Variants in GRM3 observed in about 807,000 individuals in gnomAD.
The protein encoded by GRM3 is glutamate metabotropic receptor 3.
Under a neutral mutation model 70.5 loss-of-function variants are expected in GRM3, and 26 were observed. The observed-to-expected ratio is 0.37, with a 90% CI of 0.27 to 0.51. The LOEUF is 0.51. Ranked by LOEUF, GRM3 falls within the 20% of genes least tolerant of loss-of-function variation. The pLI is 0.93. For synonymous variants in GRM3, 443 were observed against 434.9 expected, an observed-to-expected ratio of 1.02 and a Z score of -0.23; for missense variants, 859 against 1,123.8, an observed-to-expected ratio of 0.76 and a Z score of 3.37.
intron 2 of GRM3, among the ~76,000 whole-genome samples, chr7:86,777,671 C>CCAAAA (rs1193092523): frequency 4.6e-5 from 7 of 152,046 alleles, no homozygotes; most frequent in Admixed American, 4.6e-4. Flanking sequence ...GGTAATGTGG[C>CCAAAA]CAAAACAAAA....
chr7:86,707,379 C>T (rs1165145367), intron 1 of GRM3, among the ~76,000 whole-genome samples: 1 of 152,094 alleles, frequency 6.6e-6, no homozygotes, highest in African/African-American at 2.4e-5. Flanking sequence ...ATGATACCTC[C>T]TCCTAAGATT....
intron 1 of GRM3, among the ~76,000 whole-genome samples, chr7:86,735,172 TTAA>T (rs1202714547): frequency 6.6e-6 from 1 of 152,142 alleles, no homozygotes; most frequent in African/African-American, 2.4e-5. Context: ...CTAGATGTGG[TTAA>T]TGATGACAGG....
Position 86,718,861 on chromosome 7 carries a change from C to G in GRM3, c.-140-46145C>G, listed in dbSNP as rs1242239576. Among the ~76,000 whole-genome samples the G allele has an allele frequency of 3.3e-5, 5 of 151,892 alleles. No homozygotes were observed. In the East Asian group the frequency reaches 7.7e-4, roughly 24 times the overall value. The stretch of plus-strand genomic sequence containing the variant: ...TCTCTTGTAAGAATCATTTGCTTGG[C>G]AGAAACAGTGAGGCCCACCTATATT... On this transcript the variant is annotated intron_variant, in intron 1 of 5. Coordinates refer to ENST00000361669, the MANE Select transcript of GRM3 (RefSeq NM_000840.3).
intron 2 of GRM3, among the ~76,000 whole-genome samples, chr7:86,772,001 T>C (rs1796755593): frequency 6.6e-6 from 1 of 152,124 alleles, no homozygotes; most frequent in Non-Finnish European, 1.5e-5. Context: ...GTCCTATCCC[T>C]GTGAGAACCC....
chr7:86,730,767 T>C (rs1033344250), intron 1 of GRM3, among the ~76,000 whole-genome samples: 1 of 152,224 alleles, frequency 6.6e-6, no homozygotes, highest in African/African-American at 2.4e-5. Context: ...CTTAGCATTA[T>C]GTTTTCCACT....
intron 1 of GRM3, among the ~76,000 whole-genome samples, chr7:86,749,913 T>C (rs1012332603): frequency 2.0e-5 from 3 of 152,034 alleles, no homozygotes; most frequent in South Asian, 2.1e-4. Flanking sequence ...TCTATTCCAC[T>C]ACTCAGTGAC....
chr7:86,827,659 G>A (rs543092969), intron 3 of GRM3, among the ~76,000 whole-genome samples: 86 of 152,022 alleles, frequency 5.7e-4, no homozygotes, highest in Middle Eastern at 3.4e-3. Flanking sequence ...TATTACAGGC[G>A]CCCACCACCA....
At chr7:86,693,438 C>G (rs991541861) in intron 1 of GRM3, among the ~76,000 whole-genome samples, 7 of 152,074 alleles carry the variant, frequency 4.6e-5, no homozygotes, top group African/African-American at 2.4e-5. Flanking sequence ...CATGAGTAAG[C>G]CCACCTAAAG....
At chr7:86,693,814 T>A (rs1280352104) in intron 1 of GRM3, among the ~76,000 whole-genome samples, 1 of 152,202 alleles carries the variant, frequency 6.6e-6, no homozygotes, top group Non-Finnish European at 1.5e-5. Flanking sequence ...CTGTGTTAGA[T>A]CTGGAAGTAC....
chr7:86,839,671 T>C lies in GRM3; in HGVS notation c.2157T>C (p.Leu719=), dbSNP rs781606750. 6.2e-7 allele frequency: 1 copy of C among 1,613,962 alleles called. No individual in the cohort carries two copies. Among genetic ancestry groups the C allele is most frequent in the East Asian group, 2.2e-5 (1 of 44,854 alleles). The change falls in exon 4 of 6, where the codon CTT becomes CTC. Residue 719 remains leucine (L), a synonymous_variant. Transcript: ENST00000361669. This position sits in a 1 kb window ranked among gnomAD's most constrained non-coding sequence, Gnocchi z 4.5. The part of the protein sequence containing the change: ...LEAPGTRRYT[L]AEKRETVILK... ...CCCCAGGCACCAGGAGGTATACCCTTGCAGAGAAGCGGGAAACAGTCATCC... is the reference window on the plus strand; with the variant it reads ...CCCCAGGCACCAGGAGGTATACCCTCGCAGAGAAGCGGGAAACAGTCATCC...
chr7:86,841,675 G>C (rs1798561868), intron 4 of GRM3, among the ~76,000 whole-genome samples: 1 of 151,908 alleles, frequency 6.6e-6, no homozygotes, highest in African/African-American at 2.4e-5. Context: ...AAAAGAGCTG[G>C]TTAAAAAAAT....
At chr7:86,836,767 T>G (rs924403033) in intron 3 of GRM3, among the ~76,000 whole-genome samples, 1 of 152,228 alleles carries the variant, frequency 6.6e-6, no homozygotes, top group Non-Finnish European at 1.5e-5. Flanking sequence ...GCAGGCATTG[T>G]GCTTAACATG....
intron 1 of GRM3, among the ~76,000 whole-genome samples, chr7:86,684,678 G>A (rs1009326631): frequency 6.6e-6 from 1 of 152,128 alleles, no homozygotes; most frequent in Non-Finnish European, 1.5e-5. Context: ...AAAATTTCTA[G>A]CTAGTGTTAA....
At chr7:86,721,887 T>C (rs1795473599) in intron 1 of GRM3, among the ~76,000 whole-genome samples, 1 of 152,068 alleles carries the variant, frequency 6.6e-6, no homozygotes, top group Non-Finnish European at 1.5e-5. Context: ...CATTGGCACC[T>C]TGAAGAAGGA....
intron 1 of GRM3, among the ~76,000 whole-genome samples, chr7:86,683,859 C>A (rs1584162821): frequency 6.6e-6 from 1 of 152,024 alleles, no homozygotes; most frequent in South Asian, 2.1e-4. Context: ...ACTATAGAGA[C>A]TATTATGTGA....
intron 5 of GRM3, among the ~76,000 whole-genome samples, chr7:86,852,801 A>T (rs754473365): frequency 7.2e-5 from 11 of 152,112 alleles, no homozygotes; most frequent in Non-Finnish European, 1.6e-4. Flanking sequence ...TTTTATATTC[A>T]TGAACTCATT....
intron 1 of GRM3, among the ~76,000 whole-genome samples, chr7:86,710,864 T>C (rs1487336189): frequency 6.6e-6 from 1 of 152,080 alleles, no homozygotes; most frequent in Non-Finnish European, 1.5e-5. Context: ...TTGTTATTAT[T>C]ATTATCTACA....
rs186528094 is a variant in GRM3, at chr7:86,836,457, A to T, written c.1325-2382A>T. 1.1e-3 allele frequency among the ~76,000 whole-genome samples: 170 copies of T among 152,344 alleles called. 2 individuals carry two copies. The highest frequency in any genetic ancestry group is 1.7e-3 in the South Asian group (8 of 4,832). On this transcript the variant is annotated intron_variant, in intron 3 of 5. Coordinates refer to ENST00000361669, the MANE Select transcript of GRM3 (RefSeq NM_000840.3). The stretch of plus-strand genomic sequence containing the variant: ...TAATTTATTAAAAGATTAATTTTTT[A>T]AAAAATTCTCAATATTTCACTAAGT...
chr7:86,783,827 G>T (rs774103106), intron 2 of GRM3, among the ~76,000 whole-genome samples: 2 of 152,028 alleles, frequency 1.3e-5, no homozygotes, highest in African/African-American at 4.8e-5. Context: ...TCTGAATATC[G>T]TAAGTTTGAC....
Sources: gnomAD v4.1 joint callset for allele counts (sites outside exome capture counted in the v4.1 genomes callset) on GRCh38, gnomAD v4.1.1 for gene constraint, Gnocchi (gnomAD v3.1) non-coding constraint, MANE v1.5 for transcripts, NCBI Gene and HGNC (gene_info 2026-07-23, HGNC 2026-07-21) for gene names.